Variants in CRK observed in about 807,000 individuals in gnomAD.
CRK encodes CRK proto-oncogene, adaptor protein, also known as adapter molecule crk.
In CRK, 4 loss-of-function variants were observed where a neutral mutation model predicts 29.8. The ratio of observed to expected loss-of-function variants is 0.13; its 90% confidence interval spans 0.07 to 0.31. The LOEUF (loss-of-function observed/expected upper bound fraction) is 0.31, where lower values mean the gene tolerates loss of function less well. Ranked by LOEUF, CRK falls within the 10% of genes least tolerant of loss-of-function variation. The pLI is 1.00. For missense variants in CRK, 274 were observed against 396.5 expected (o/e 0.69, Z 2.62); for synonymous variants, 153 against 164.9 (o/e 0.93, Z 0.55).
intron 1 of CRK, among the ~76,000 whole-genome samples, chr17:1,455,400 G>T (rs2074048154): frequency 6.6e-6 from 1 of 152,164 alleles, no homozygotes; most frequent in Admixed American, 6.5e-5. Flanking sequence ...AGTATGTGGT[G>T]ACTTCCTACC....
In CRK at chr17:1,455,877, C is replaced by G; in HGVS notation, c.241G>C (p.Gly81Arg). 1 of 1,580,226 alleles carries G rather than the reference C, an allele frequency of 6.3e-7. No individual in the cohort carries two copies. The highest frequency in any genetic ancestry group is 8.6e-7 in the Non-Finnish European group (1 of 1,165,928). ...VPPSPAQPPP[G>R]VSPSRLRIGD... ...GCCCGCCGTCCCGTCAGTCCCTCAC[C>G]GGGCGGAGGCTGGGCGGGCGACGGT... The change falls in exon 1 of 3, where the codon GGG (glycine) becomes CGG (arginine). Residue 81 changes from glycine to arginine, a missense_variant and splice_region_variant. Gly to Arg is a moderately radical substitution (Grantham distance 125, BLOSUM62 -2). Around this residue, in one of 3 missense-constraint regions of CRK, gnomAD observed 135 missense variants for 180.9 expected, o/e 0.75. Coordinates refer to ENST00000300574, the MANE Select transcript of CRK (RefSeq NM_016823.4).
rs1398022661 is a variant in CRK, at chr17:1,437,119, T to G, written c.278A>C (p.Glu93Ala). 6.2e-7 allele frequency: 1 copy of G among 1,613,330 alleles called. No homozygotes were observed. The highest frequency in any genetic ancestry group is 1.3e-5 in the African/African-American group (1 of 74,912). ...CAGTAAAGCAGGCAATGAATCAAACTCTTGATCTCCTATTCGGAGTCTGGA... is the reference window on the plus strand; with the variant it reads ...CAGTAAAGCAGGCAATGAATCAAACGCTTGATCTCCTATTCGGAGTCTGGA... ...SPSRLRIGDQ[E>A]FDSLPALLEF... is the part of the protein sequence containing the mutation. The change falls in exon 2 of 3, where the codon GAG becomes GCG. Residue 93 changes from glutamate to alanine, a missense_variant. This residue lies in a region of CRK where 135 missense variants were observed against 180.9 expected (regional missense o/e 0.75). Transcript: ENST00000300574.
chr17:1,441,421 T>C (rs2073934167), intron 1 of CRK, among the ~76,000 whole-genome samples: 1 of 152,062 alleles, frequency 6.6e-6, no homozygotes, highest in African/African-American at 2.4e-5. Context: ...CTCAAACTCC[T>C]GGGCTCAAGA....
At chr17:1,442,630 CAG>C (rs1343380234) in intron 1 of CRK, among the ~76,000 whole-genome samples, 7 of 110,394 alleles carry the variant, frequency 6.3e-5, no homozygotes, top group African/African-American at 1.7e-4. Context: ...TTTTTGAAGA[CAG>C]AGTCTTGCTC....
At position 1,421,696 on chromosome 17, in the gene CRK, G is replaced by T. The variant is rs976402172; in HGVS notation, c.*1817C>A. On this transcript the variant is annotated 3_prime_UTR_variant, in exon 3 of 3. Transcript: ENST00000300574. ...TCCTCATTCACTCAGACAAATACGT[G>T]CACACTGACTGTGTGTCAGACAGTG... is the stretch of plus-strand genomic sequence containing the variant. 11 of 152,254 alleles carry T rather than the reference G, an allele frequency of 7.2e-5. No individual in the cohort carries two copies. The highest frequency in any genetic ancestry group is 2.6e-4 in the African/African-American group (11 of 41,554). 9.4% of individuals were successfully genotyped at this position (152,254 alleles called of 1,614,324 possible). A position where few individuals can be genotyped will look rare whatever the true frequency, so the allele number is the denominator to read the frequency against.
rs763419842 is a variant in CRK at position 1,436,874 on chromosome 17, T to C, written c.523A>G (p.Ser175Gly). The C allele has an allele frequency of 1.4e-5, 23 of 1,612,356 alleles. 2 individuals carry two copies. In the South Asian group the frequency reaches 2.5e-4, roughly 18 times the overall value. ...GGAATCATCCCTCTCTTGCCTTCGCTGTCCTCCGCATTCCACCACTGCTCT... is the reference window on the plus strand; with the variant it reads ...GGAATCATCCCTCTCTTGCCTTCGCCGTCCTCCGCATTCCACCACTGCTCT... ...PEEQWWNAED[S>G]EGKRGMIPVP... The change falls in exon 2 of 3, where the codon AGC (serine) becomes GGC (glycine). Residue 175 changes from serine (S) to glycine (G), a missense_variant. By Grantham distance (56) the Ser-to-Gly change is moderately conservative (BLOSUM62 0). Transcript: ENST00000300574.
intron 1 of CRK, among the ~76,000 whole-genome samples, chr17:1,447,331 T>C (rs1053941513): frequency 1.3e-5 from 2 of 151,872 alleles, no homozygotes; most frequent in African/African-American, 4.9e-5. Context: ...TGCTGGATTC[T>C]GAACGTGGAG....
In CRK at chr17:1,423,070, C is replaced by A. The variant is rs968845920; in HGVS notation, c.*443G>T. The A allele has an allele frequency of 5.0e-6, 2 of 403,822 alleles. No individual in the cohort carries two copies. The highest frequency in any genetic ancestry group is 8.7e-6 in the Non-Finnish European group (2 of 229,290). 25.0% of individuals were successfully genotyped at this position (403,822 alleles called of 1,614,324 possible). ...GCAATCCTGCTTGATACTATTCACA[C>A]GGTGCATGATTACTTCACGGGGGTG... is the stretch of plus-strand genomic sequence containing the variant. On this transcript the variant is annotated 3_prime_UTR_variant, in exon 3 of 3. Coordinates refer to ENST00000300574, the MANE Select transcript of CRK (RefSeq NM_016823.4).
chr17:1,456,145 T>A lies in CRK; in HGVS notation c.-28A>T. Reference sequence around the variant, plus strand: ...CTGCCTCCGCGCCTAAACGCTGGGGTGCCGCCGCCGCGCGCGCCCCTCCGG... The same window carrying A: ...CTGCCTCCGCGCCTAAACGCTGGGGAGCCGCCGCCGCGCGCGCCCCTCCGG... On this transcript the variant is annotated 5_prime_UTR_variant, in exon 1 of 3. Coordinates refer to ENST00000300574, the MANE Select transcript of CRK (RefSeq NM_016823.4). 2.1e-6 allele frequency: 3 copies of A among 1,460,688 alleles called. No homozygotes were observed. Among genetic ancestry groups the A allele is most frequent in the Non-Finnish European group, 2.7e-6 (3 of 1,106,676 alleles). The allele number at this position is 1,460,688 out of a possible 1,614,324, so 90.5% of individuals were successfully genotyped here.
intron 2 of CRK, among the ~76,000 whole-genome samples, chr17:1,432,644 G>A (rs1449217630): frequency 6.6e-6 from 1 of 151,900 alleles, no homozygotes; most frequent in Non-Finnish European, 1.5e-5. Flanking sequence ...AGGCGTGGTG[G>A]CGGGCGCCTG....
chr17:1,427,208 T>G (rs1018240605), intron 2 of CRK, among the ~76,000 whole-genome samples: 1 of 149,450 alleles, frequency 6.7e-6, no homozygotes, highest in Non-Finnish European at 1.5e-5. Context: ...GGAGGATCAC[T>G]TGAGCCTGGG....
At chr17:1,455,169 C>T (rs970813863) in intron 1 of CRK, among the ~76,000 whole-genome samples, 32 of 152,230 alleles carry the variant, frequency 2.1e-4, no homozygotes, top group African/African-American at 6.5e-4. Context: ...TAACGGCGGA[C>T]AGTCTTCTGG....
rs375881432 is a variant in CRK at position 1,436,610 on chromosome 17, C to T, written c.777+10G>A. 4.0e-5 allele frequency: 63 copies of T among 1,590,080 alleles called. No individual in the cohort carries two copies. Among genetic ancestry groups the T allele is most frequent in the African/African-American group, 3.0e-4 (22 of 73,966 alleles). On this transcript the variant is annotated intron_variant, in intron 2 of 2. Transcript: ENST00000300574. ...AGATCTCTTCTTTCTACATTGTGCA[C>T]GTTATGTACCTCCAAAGCCAAGGCT...
In CRK at chr17:1,423,045, G is replaced by A. The variant is rs2073742950; in HGVS notation, c.*468C>T. On this transcript the variant is annotated 3_prime_UTR_variant, in exon 3 of 3. Transcript: ENST00000300574. ...GCTGGTCATGCTCCATACAATGAAAGCAATCCTGCTTGATACTATTCACAC... is the reference window on the plus strand; with the variant it reads ...GCTGGTCATGCTCCATACAATGAAAACAATCCTGCTTGATACTATTCACAC... 1 of 400,398 alleles carries A rather than the reference G, an allele frequency of 2.5e-6. No homozygotes were observed. Among genetic ancestry groups the A allele is most frequent in the African/African-American group, 2.1e-5 (1 of 48,634 alleles). The allele number at this position is 400,398 out of a possible 1,614,324, so 24.8% of individuals were successfully genotyped here.
chr17:1,440,967 T>C (rs2073930699), intron 1 of CRK, among the ~76,000 whole-genome samples: 1 of 152,122 alleles, frequency 6.6e-6, no homozygotes, highest in Non-Finnish European at 1.5e-5. Context: ...TGTGACAGAG[T>C]GGTCTGGCTC....
In CRK at chr17:1,421,088, T is replaced by C. The variant is rs189028582; in HGVS notation, c.*2425A>G. 1.3e-5 allele frequency: 2 copies of C among 152,126 alleles called. No homozygotes were observed. The highest frequency in any genetic ancestry group is 2.9e-5 in the Non-Finnish European group (2 of 68,038). 9.4% of individuals were successfully genotyped at this position (152,126 alleles called of 1,614,324 possible). On this transcript the variant is annotated 3_prime_UTR_variant, in exon 3 of 3. Coordinates refer to ENST00000300574, the MANE Select transcript of CRK (RefSeq NM_016823.4). ...CAATAGGATTTCAGCATTTGCTTTT[T>C]TTTGGAAGACACTTATAAGACATCC...
intron 2 of CRK, among the ~76,000 whole-genome samples, chr17:1,427,030 C>CCAAA (rs2073785684): frequency 2.8e-5 from 1 of 35,290 alleles, no homozygotes. Context: ...AAACTGTCTC[C>CCAAA]AAAAAAAAAA....
rs186892919 is a variant in CRK, at chr17:1,441,795, C to T, written c.242-4640G>A. ...GTGAGCCACTGTGCCCGGCCCTTCA[C>T]CCAGCTGATTTTGAAATTTTTTTTA... is the stretch of plus-strand genomic sequence containing the variant. On this transcript the variant is annotated intron_variant, in intron 1 of 2. Coordinates refer to ENST00000300574, the MANE Select transcript of CRK (RefSeq NM_016823.4). Among the ~76,000 whole-genome samples the T allele has an allele frequency of 2.8e-3, 432 of 151,966 alleles. 3 individuals carry two copies. Among genetic ancestry groups the T allele is most frequent in the African/African-American group, 9.8e-3 (405 of 41,494 alleles).
At chr17:1,442,312 T>C (rs1434298208) in intron 1 of CRK, among the ~76,000 whole-genome samples, 1 of 151,616 alleles carries the variant, frequency 6.6e-6, no homozygotes, top group Non-Finnish European at 1.5e-5. Flanking sequence ...ACACCACACC[T>C]GGCCAGTTTT....
Sources: gnomAD v4.1 joint callset for allele counts (sites outside exome capture counted in the v4.1 genomes callset) on GRCh38, gnomAD v4.1.1 for gene constraint, gnomAD v4.1.1 regional missense constraint, MANE v1.5 for transcripts, NCBI Gene and HGNC (gene_info 2026-07-23, HGNC 2026-07-21) for gene names.